Variants in KDSR observed in about 807,000 individuals in gnomAD.
KDSR encodes the protein 3-ketodihydrosphingosine reductase, also known as 3-dehydrosphinganine reductase.
A neutral mutation model predicts 41.3 loss-of-function variants in KDSR; 23 were observed. The observed-to-expected ratio is 0.56, with a 90% CI of 0.40 to 0.79. KDSR has a LOEUF of 0.79. KDSR is among the 30% of genes least tolerant of loss of function. The probability of loss-of-function intolerance (pLI) is 0.00; values close to 1 mark genes in which losing one functional copy is unlikely to be tolerated. For missense variants in KDSR, 351 were observed against 416.8 expected (o/e 0.84, Z 1.37); for synonymous variants, 138 against 151.7 (o/e 0.91, Z 0.66).
intron 6 of KDSR, among the ~76,000 whole-genome samples, chr18:63,347,188 G>A (rs1218626837): frequency 6.6e-6 from 1 of 152,004 alleles, no homozygotes; most frequent in Non-Finnish European, 1.5e-5. Flanking sequence ...CAAACAGAAA[G>A]ACAACTGACC....
chr18:63,343,308 C>T (rs1444769295), intron 7 of KDSR, among the ~76,000 whole-genome samples: 1 of 152,024 alleles, frequency 6.6e-6, no homozygotes, highest in Non-Finnish European at 1.5e-5. Flanking sequence ...AATCCTCCTG[C>T]CATGGCCTCC....
intron 7 of KDSR, among the ~76,000 whole-genome samples, chr18:63,342,814 C>CG (rs1286557035): frequency 6.6e-6 from 1 of 152,094 alleles, no homozygotes; most frequent in East Asian, 1.9e-4. Flanking sequence ...TGATATGGTT[C>CG]GGATCTGTGT....
chr18:63,359,755 T>C lies in KDSR; in HGVS notation c.236A>G (p.His79Arg). 2 of 1,607,480 alleles carry C rather than the reference T, an allele frequency of 1.2e-6. No homozygotes were observed. The highest frequency in any genetic ancestry group is 1.1e-5 in the South Asian group (1 of 90,942). The part of the protein sequence containing the change: ...LLQAKKEIEM[H>R]SINDKQVVLC... Reference sequence around the variant, plus strand: ...ATTTACCTGTTTGTCATTAATAGAGTGCATTTCAATTTCTTTCTTTGCCTG... The same window carrying C: ...ATTTACCTGTTTGTCATTAATAGAGCGCATTTCAATTTCTTTCTTTGCCTG... The change falls in exon 3 of 10, where the codon CAC becomes CGC. Residue 79 changes from histidine to arginine, a missense_variant. By Grantham distance (29) the His-to-Arg change is conservative. Transcript: ENST00000645214.
chr18:63,344,549 C>T (rs905648119), intron 6 of KDSR, 56 bp from the exon 7 acceptor site: 5 of 1,243,188 alleles, frequency 4.0e-6, no homozygotes, highest in Non-Finnish European at 5.9e-6. Flanking sequence ...TGAGGTCCTA[C>T]ACTGCCAACC....
In KDSR at chr18:63,355,210, G is replaced by A. The variant is rs774728673; in HGVS notation, c.411C>T (p.Thr137=). Residue 137 remains threonine (T), a synonymous_variant, in exon 5 of 10, where the codon ACC becomes ACT. Transcript: ENST00000645214. ...SGKFEDLEVS[T]FERLMSINYL... ...AGCAAACATTTTTACTTACTTCAAA[G>A]GTACTAACTTCAAGATCTTCAAATT... 5 of 1,608,838 alleles carry A rather than the reference G, an allele frequency of 3.1e-6. No homozygotes were observed. Among genetic ancestry groups the A allele is most frequent in the Non-Finnish European group, 4.3e-6 (5 of 1,175,400 alleles).
intron 3 of KDSR, among the ~76,000 whole-genome samples, chr18:63,357,186 A>C (rs1196410137): frequency 6.6e-6 from 1 of 152,186 alleles, no homozygotes; most frequent in Non-Finnish European, 1.5e-5. Flanking sequence ...AAGTCTGTCA[A>C]TACCAAGTAT....
At chr18:63,335,628 T>C (rs1432239066) in intron 8 of KDSR, 5 of 313,928 alleles carry the variant, frequency 1.6e-5, no homozygotes, top group South Asian at 5.2e-5. Context: ...GTGTGTTGTA[T>C]GGAAAATACA....
chr18:63,357,592 A>ATT (rs758193283), intron 3 of KDSR, among the ~76,000 whole-genome samples: 40 of 117,954 alleles, frequency 3.4e-4, no homozygotes, highest in Admixed American at 6.2e-4. Context: ...ATATATATAT[A>ATT]TATTTTTTTT....
chr18:63,331,469 A>G lies in KDSR; in HGVS notation c.*313T>C, dbSNP rs532614776. ...GGGGGGCAAAAAAGAATAAATAGAA[A>G]CAAATTTAATGATCATTCTGGAATC... On this transcript the variant is annotated 3_prime_UTR_variant, in exon 10 of 10. Transcript: ENST00000645214. The G allele has an allele frequency of 4.0e-6, 1 of 249,484 alleles. No homozygotes were observed. The highest frequency in any genetic ancestry group is 2.2e-5 in the African/African-American group (1 of 46,066). The allele number at this position is 249,484 out of a possible 1,614,324, so 15.5% of individuals were successfully genotyped here.
intron 9 of KDSR, among the ~76,000 whole-genome samples, chr18:63,333,260 T>A (rs1030636131): frequency 5.3e-5 from 8 of 152,040 alleles, no homozygotes; most frequent in Admixed American, 3.3e-4. Context: ...TTCTTTTACA[T>A]TTTTTTGTAG....
chr18:63,355,497 C>T lies in KDSR; in HGVS notation c.321+1G>A. 2 of 1,613,102 alleles carry T rather than the reference C, an allele frequency of 1.2e-6. No homozygotes were observed. The highest frequency in any genetic ancestry group is 1.1e-5 in the South Asian group (1 of 90,588). ...GAATTCCAATTAGCCCAACCTCTTA[C>T]TTGTTTTATGACATTCTCTACTTGG... On this transcript the variant is annotated splice_donor_variant, in intron 4 of 9. Transcript: ENST00000645214. LOFTEE classifies it high-confidence loss of function.
chr18:63,346,438 T>A (rs1914504158), intron 6 of KDSR: 1 of 152,284 alleles, frequency 6.6e-6, no homozygotes, highest in African/African-American at 2.4e-5. Context: ...AAGACTGACA[T>A]CGACTGCCCA....
chr18:63,362,912 C>T (rs1016586481), intron 1 of KDSR, 44 bp from the exon 2 acceptor site: 7 of 1,344,574 alleles, frequency 5.2e-6, no homozygotes, highest in Non-Finnish European at 7.4e-6. Flanking sequence ...GAAATCTCCC[C>T]TCTGTAGGAA....
rs1177152767 is a variant in KDSR at position 63,328,640 on chromosome 18, G to T, written c.*3142C>A. Reference sequence around the variant, plus strand: ...CTCCCAAAGTGCTGGGATTACTGGCGTGAGCCACCACGCCCGGCCCAGAGA... The same window carrying T: ...CTCCCAAAGTGCTGGGATTACTGGCTTGAGCCACCACGCCCGGCCCAGAGA... On this transcript the variant is annotated 3_prime_UTR_variant, in exon 10 of 10. Coordinates refer to ENST00000645214, the MANE Select transcript of KDSR (RefSeq NM_002035.4). The T allele has an allele frequency of 1.2e-5, 2 of 164,384 alleles. No homozygotes were observed. Among genetic ancestry groups the T allele is most frequent in the Non-Finnish European group, 2.7e-5 (2 of 75,062 alleles). The allele number at this position is 164,384 out of a possible 1,614,324, so 10.2% of individuals were successfully genotyped here.
At chr18:63,339,681 A>G (rs1359045689) in intron 7 of KDSR, among the ~76,000 whole-genome samples, 1 of 152,208 alleles carries the variant, frequency 6.6e-6, no homozygotes, top group Admixed American at 6.5e-5. Flanking sequence ...GTGCATTTGC[A>G]TTTTACCTCC....
chr18:63,350,963 C>T lies in KDSR; in HGVS notation c.534G>A (p.Leu178=), dbSNP rs1174594195. 1 of 1,614,168 alleles carries T rather than the reference C, an allele frequency of 6.2e-7. No individual in the cohort carries two copies. Among genetic ancestry groups the T allele is most frequent in the Admixed American group, 1.7e-5 (1 of 60,022 alleles). Residue 178 remains leucine (L), a synonymous_variant, in exon 6 of 10, where the codon TTG becomes TTA. Transcript: ENST00000645214. ...IVFVSSQAGQ[L]GLFGFTAYSA... ...AGTAGGCTGTGAAACCGAATAATCC[C>T]AACTGTCCTGCCTGGGAGGACACAA...
intron 1 of KDSR, chr18:63,366,747 G>A (rs995316504): frequency 1.2e-4 from 45 of 365,828 alleles, no homozygotes; most frequent in African/African-American, 9.2e-4. Flanking sequence ...CTGGGGCCCC[G>A]GGAACCCTGC....
intron 3 of KDSR, 175 bp downstream of exon 3, chr18:63,359,561 T>C: frequency 1.8e-6 from 1 of 551,074 alleles, no homozygotes; most frequent in Non-Finnish European, 3.3e-6. Flanking sequence ...GGGAGTCTAT[T>C]CATTTTGCGT....
chr18:63,346,787 C>T (rs533150331), intron 6 of KDSR, among the ~76,000 whole-genome samples: 1 of 152,310 alleles, frequency 6.6e-6, no homozygotes, highest in Non-Finnish European at 1.5e-5. Flanking sequence ...CAACAACGAG[C>T]ACTTACTGAA....
Sources: gnomAD v4.1 joint callset for allele counts (sites outside exome capture counted in the v4.1 genomes callset) on GRCh38, gnomAD v4.1.1 for gene constraint, MANE v1.5 for transcripts, NCBI Gene and HGNC (gene_info 2026-07-23, HGNC 2026-07-21) for gene names.